The following ZNF503 variants were observed in gnomAD, a reference collection of about 807,000 sequenced individuals.
ZNF503 encodes the protein NocA-like zinc finger 2.
A neutral mutation model predicts 34.4 loss-of-function variants in ZNF503; 15 were observed. The observed-to-expected ratio is 0.44, with a 90% confidence interval of 0.29 to 0.67. The LOEUF is 0.67. ZNF503 is among the 30% of genes least tolerant of loss of function. ZNF503 has a pLI of 0.13. For missense variants in ZNF503, 1,007 were observed against 926.8 expected (o/e 1.09, Z -1.12); for synonymous variants, 580 against 456.8 (o/e 1.27, Z -3.44).
At chr10:75,304,657 C>T in the ZNF503 span, among the ~76,000 whole-genome samples, 1 of 152,112 alleles carries the variant, frequency 6.6e-6, no homozygotes. Context: ...TAAAATTTAA[C>T]TATACCCAGA....
the ZNF503 span, among the ~76,000 whole-genome samples, chr10:75,334,043 C>T: frequency 7.6e-6 from 1 of 131,460 alleles, no homozygotes; most frequent in African/African-American, 3.0e-5. Flanking sequence ...AGACGCTCCT[C>T]ACTTTCCAGA....
chr10:75,332,489 T>G, the ZNF503 span, among the ~76,000 whole-genome samples: 1 of 150,964 alleles, frequency 6.6e-6, no homozygotes, highest in East Asian at 1.9e-4. Context: ...TTTAATTTAT[T>G]TTTTTATTGA....
the ZNF503 span, among the ~76,000 whole-genome samples, chr10:75,304,445 T>C: frequency 6.6e-6 from 1 of 152,206 alleles, no homozygotes; most frequent in Non-Finnish European, 1.5e-5. Flanking sequence ...ATTGACCTCC[T>C]TTTAAATATT....
the ZNF503 span, among the ~76,000 whole-genome samples, chr10:75,317,207 G>T: frequency 2.0e-5 from 3 of 150,108 alleles, no homozygotes; most frequent in South Asian, 6.3e-4. Context: ...CTCCCAAAGT[G>T]CTGGGATTCT....
the ZNF503 span, chr10:75,361,472 G>C: frequency 6.6e-6 from 1 of 152,066 alleles, no homozygotes. Flanking sequence ...CCTAGTATGA[G>C]CTCTCTGAGG....
the ZNF503 span, among the ~76,000 whole-genome samples, chr10:75,344,640 G>T: frequency 6.6e-6 from 1 of 152,172 alleles, no homozygotes; most frequent in Admixed American, 6.5e-5. Context: ...ATAAACCAAT[G>T]CCAGTAACCA....
Position 75,399,457 on chromosome 10 carries a change from G to C in ZNF503, c.1233C>G (p.Ser411Arg). The change falls in exon 2 of 2, where the codon AGC becomes AGG. Residue 411 changes from serine (S) to arginine (R), a missense_variant. Coordinates refer to ENST00000372524, the MANE Select transcript of ZNF503 (RefSeq NM_032772.6). ...ACGGCGGAGACGCTCCGGCCAAAGG[G>C]CTGGAGCCGGCCGGCTTACTGCAGC... ...SLGCSKPAGS[S>R]PLAGASPPSV... 6.3e-7 allele frequency: 1 copy of C among 1,587,192 alleles called. No individual in the cohort carries two copies. Among genetic ancestry groups the C allele is most frequent in the Non-Finnish European group, 8.5e-7 (1 of 1,172,710 alleles).
At chr10:75,309,085 C>A in the ZNF503 span, among the ~76,000 whole-genome samples, 2 of 152,150 alleles carry the variant, frequency 1.3e-5, no homozygotes, top group South Asian at 4.2e-4. Context: ...TTCAAGTGAT[C>A]CGCCTGCCTC....
chr10:75,395,050 T>C (rs1045701227), downstream of ZNF503, among the ~76,000 whole-genome samples: 1 of 152,180 alleles, frequency 6.6e-6, no homozygotes, highest in Non-Finnish European at 1.5e-5. The surrounding 1 kb of genome is among the most constrained non-coding windows in gnomAD (Gnocchi z 4.4). Flanking sequence ...TTTCTCAAAC[T>C]GTGTCAGGGA....
the ZNF503 span, among the ~76,000 whole-genome samples, chr10:75,386,140 C>A: frequency 6.6e-6 from 1 of 152,194 alleles, no homozygotes; most frequent in Admixed American, 6.5e-5. Flanking sequence ...CATTTCACAG[C>A]CTCTCTTGCA....
the ZNF503 span, among the ~76,000 whole-genome samples, chr10:75,293,673 G>C: frequency 6.6e-6 from 1 of 151,946 alleles, no homozygotes; most frequent in African/African-American, 2.4e-5. Context: ...GTGCGCATGT[G>C]TGTGTGTGTA....
At chr10:75,321,114 T>C in the ZNF503 span, among the ~76,000 whole-genome samples, 1 of 152,166 alleles carries the variant, frequency 6.6e-6, no homozygotes, top group Non-Finnish European at 1.5e-5. Flanking sequence ...TCAAAGTGTG[T>C]AGCACCTCTC....
the ZNF503 span, among the ~76,000 whole-genome samples, chr10:75,366,235 T>A: frequency 0.5 from 76,478 of 152,090 alleles, 20,692 homozygotes; most frequent in South Asian, 0.64. Flanking sequence ...TGATAACAGC[T>A]GTGGGCTATA....
the ZNF503 span, chr10:75,283,955 T>A: frequency 1.3e-5 from 2 of 152,190 alleles, no homozygotes; most frequent in Admixed American, 1.3e-4. Context: ...GCCAAACTGC[T>A]TTGCACGGCA....
chr10:75,284,740 G>A, the ZNF503 span, among the ~76,000 whole-genome samples: 1 of 152,186 alleles, frequency 6.6e-6, no homozygotes, highest in African/African-American at 2.4e-5. Context: ...CGATTTCCAT[G>A]GGTGTGGTTA....
At chr10:75,380,877 A>C in the ZNF503 span, among the ~76,000 whole-genome samples, 1 of 152,198 alleles carries the variant, frequency 6.6e-6, no homozygotes, top group African/African-American at 2.4e-5. Flanking sequence ...GCCTGCACCC[A>C]CTAAAAAGAA....
chr10:75,329,422 CCTT>C, the ZNF503 span, among the ~76,000 whole-genome samples: 1 of 89,276 alleles, frequency 1.1e-5, no homozygotes, highest in African/African-American at 3.8e-5. Context: ...TCCTTTCCTT[CCTT>C]CCTTCCTTCC....
At chr10:75,290,549 A>G in the ZNF503 span, among the ~76,000 whole-genome samples, 2 of 152,244 alleles carry the variant, frequency 1.3e-5, no homozygotes, top group African/African-American at 4.8e-5. Flanking sequence ...AGCAGTCACA[A>G]GTAGGCTCAG....
downstream of ZNF503, among the ~76,000 whole-genome samples, chr10:75,396,152 G>C (rs1564758148): frequency 6.6e-6 from 1 of 152,198 alleles, no homozygotes; most frequent in Non-Finnish European, 1.5e-5. This position sits in a 1 kb window ranked among gnomAD's most constrained non-coding sequence, Gnocchi z 4.4. Flanking sequence ...CTGCAGGGCG[G>C]GGGATGTCTG....
Sources: gnomAD v4.1 joint callset for allele counts (sites outside exome capture counted in the v4.1 genomes callset) on GRCh38, gnomAD v4.1.1 for gene constraint, Gnocchi (gnomAD v3.1) non-coding constraint, MANE v1.5 for transcripts, NCBI Gene and HGNC (gene_info 2026-07-23, HGNC 2026-07-21) for gene names.